ABCC1: variants seen among roughly 807,000 people sequenced by gnomAD.
The protein encoded by ABCC1 is ATP binding cassette subfamily C member 1 (ABCC1 blood group).
A neutral mutation model predicts 172.9 loss-of-function variants in ABCC1; 83 were observed. That is an observed-to-expected ratio of 0.48 (90% CI 0.40 to 0.58). The LOEUF is 0.58. ABCC1 is among the 20% of genes least tolerant of loss of function. The pLI is 0.00. For synonymous variants in ABCC1, 937 were observed against 825.2 expected (o/e 1.14, Z -2.32); for missense variants, 1,817 against 2,002.7 (o/e 0.91, Z 1.77).
At chr16:16,104,817 CG>C (rs2051994182) in intron 20 of ABCC1, among the ~76,000 whole-genome samples, 1 of 152,160 alleles carries the variant, frequency 6.6e-6, no homozygotes, top group African/African-American at 2.4e-5. Flanking sequence ...CCCTGCCCCG[CG>C]GGGAGGCAGC....
At chr16:16,015,453 T>G (rs1414371820) in intron 4 of ABCC1, among the ~76,000 whole-genome samples, 2 of 152,196 alleles carry the variant, frequency 1.3e-5, no homozygotes, top group Admixed American at 6.5e-5. Flanking sequence ...TGTGTGCTTT[T>G]GGAATAACCT....
At chr16:16,113,160 T>C (rs1046985065) in intron 22 of ABCC1, among the ~76,000 whole-genome samples, 108 of 152,214 alleles carry the variant, frequency 7.1e-4, no homozygotes, top group African/African-American at 2.5e-3. Flanking sequence ...CATGGACTCC[T>C]TGAGTCTCTC....
chr16:16,009,383 C>T (rs45609835), intron 2 of ABCC1, among the ~76,000 whole-genome samples: 4 of 152,156 alleles, frequency 2.6e-5, no homozygotes, highest in Admixed American at 2.0e-4. Flanking sequence ...ACATATCCCA[C>T]CCGTAGAGGG....
chr16:16,004,935 G>A (rs949969155), intron 1 of ABCC1, among the ~76,000 whole-genome samples: 1 of 151,964 alleles, frequency 6.6e-6, no homozygotes, highest in Non-Finnish European at 1.5e-5. Context: ...AAAGTGCTGG[G>A]ATTACAGGCA....
Position 16,069,145 on chromosome 16 carries a change from A to G in ABCC1, c.1824+843A>G, listed in dbSNP as rs2050226409. 2.1e-5 allele frequency among the ~76,000 whole-genome samples: 3 copies of G among 142,872 alleles called. No individual in the cohort carries two copies. In the Admixed American group the frequency reaches 2.1e-4, roughly 10 times the overall value. 93.7% of individuals were successfully genotyped at this position (142,872 alleles called of 152,430 possible). The stretch of plus-strand genomic sequence containing the variant: ...CAATATGGTAAAACCCTGTATGTAA[A>G]AAAAAATAAAATAAAATAAAATAAA... On this transcript the variant is annotated intron_variant, in intron 13 of 30. Coordinates refer to ENST00000399410, the MANE Select transcript of ABCC1 (RefSeq NM_004996.4).
intron 12 of ABCC1, among the ~76,000 whole-genome samples, chr16:16,060,418 C>G (rs972759320): frequency 6.6e-6 from 1 of 152,162 alleles, no homozygotes; most frequent in East Asian, 1.9e-4. Flanking sequence ...CTCCATGTTC[C>G]CTAAGATCAC....
Position 16,079,416 on chromosome 16 carries a change from T to G in ABCC1, c.2053T>G (p.Ser685Ala), listed in dbSNP as rs2050717479. The G allele has an allele frequency of 6.2e-7, 1 of 1,613,912 alleles. No homozygotes were observed. Among genetic ancestry groups the G allele is most frequent in the African/African-American group, 1.3e-5 (1 of 74,920 alleles). The change falls in exon 16 of 31, where the codon TCG (serine) becomes GCG (alanine). Residue 685 changes from serine to alanine, a missense_variant. Physicochemically the swap from Ser to Ala is moderately conservative, Grantham distance 99 (BLOSUM62 1). Transcript: ENST00000399410. ...GGTGGGCCAGGTGGGCTGCGGAAAG[T>G]CGTCCCTGCTCTCAGCCCTCTTGGC... Reference protein sequence around the residue: ...AVVGQVGCGKSSLLSALLAEM... With the variant: ...AVVGQVGCGKASLLSALLAEM...
At chr16:15,964,807 G>C (rs998106322) in intron 1 of ABCC1, among the ~76,000 whole-genome samples, 3 of 151,894 alleles carry the variant, frequency 2.0e-5, no homozygotes. Context: ...TTGTTAATTT[G>C]ATAGCTAAAA....
At chr16:16,110,392 AT>A (rs1007017969) in intron 21 of ABCC1, among the ~76,000 whole-genome samples, 6 of 150,646 alleles carry the variant, frequency 4.0e-5, no homozygotes, top group South Asian at 2.1e-4. Context: ...AGCACTCTTT[AT>A]TTTTTTTTAT....
chr16:16,078,305 T>C (rs2151978769), intron 15 of ABCC1, among the ~76,000 whole-genome samples: 1 of 152,304 alleles, frequency 6.6e-6, no homozygotes, highest in Admixed American at 6.5e-5. Context: ...CCGTCGGCAG[T>C]GGGAGTGGCC....
At chr16:15,989,193 G>T (rs8049010) in intron 1 of ABCC1, among the ~76,000 whole-genome samples, 14,228 of 152,202 alleles carry the variant, frequency 0.093, 759 homozygotes, top group Middle Eastern at 0.16. Context: ...TGCCTTCCTG[G>T]GTGATGGGGA....
intron 12 of ABCC1, among the ~76,000 whole-genome samples, chr16:16,064,564 G>A (rs1157411454): frequency 6.6e-6 from 1 of 152,230 alleles, no homozygotes; most frequent in African/African-American, 2.4e-5. Context: ...CCAGCAGCCG[G>A]CATCGATTGG....
At chr16:15,969,859 G>C (rs973631710) in intron 1 of ABCC1, among the ~76,000 whole-genome samples, 1 of 152,092 alleles carries the variant, frequency 6.6e-6, no homozygotes, top group Non-Finnish European at 1.5e-5. Context: ...CAGTCTCTGA[G>C]GGTCCTGCAT....
chr16:16,019,517 G>A (rs1790522941), intron 5 of ABCC1, among the ~76,000 whole-genome samples: 1 of 152,154 alleles, frequency 6.6e-6, no homozygotes, highest in Non-Finnish European at 1.5e-5. Flanking sequence ...CCTGGCTGGC[G>A]TGGGGATCAC....
At chr16:16,014,223 A>T (rs2047902705) in intron 3 of ABCC1, among the ~76,000 whole-genome samples, 1 of 152,184 alleles carries the variant, frequency 6.6e-6, no homozygotes, top group Admixed American at 6.5e-5. Context: ...AGGCAAGTGG[A>T]TCACCTGAGG....
At chr16:16,011,105 C>T (rs1002696141) in intron 3 of ABCC1, among the ~76,000 whole-genome samples, 8 of 152,210 alleles carry the variant, frequency 5.3e-5, no homozygotes, top group East Asian at 3.9e-4. Flanking sequence ...TGGTGGCACA[C>T]GCCTGTAGTC....
At chr16:15,955,081 C>T (rs1179824814) in intron 1 of ABCC1, among the ~76,000 whole-genome samples, 5 of 152,284 alleles carry the variant, frequency 3.3e-5, no homozygotes, top group Middle Eastern at 3.4e-3. Context: ...TCAGTCCAGG[C>T]GCCGTGGCTC....
chr16:16,104,659 C>T (rs780947962), intron 20 of ABCC1, among the ~76,000 whole-genome samples: 13 of 152,340 alleles, frequency 8.5e-5, no homozygotes, highest in East Asian at 3.9e-4. Flanking sequence ...AGTCCCGTGC[C>T]GTGCGCCCTC....
Position 15,949,646 on chromosome 16 carries a change from A to C in ABCC1, c.-106A>C. On this transcript the variant is annotated 5_prime_UTR_variant, in exon 1 of 31. Transcript: ENST00000399410. ...CGCCGCCGCCGCCAGCGCTAGCGCC[A>C]GCAGCCGGGCCCGATCACCCGCCGC... 5.8e-6 allele frequency: 2 copies of C among 343,142 alleles called. No homozygotes were observed. The highest frequency in any genetic ancestry group is 7.3e-6 in the Non-Finnish European group (2 of 273,938). The allele number at this position is 343,142 out of a possible 1,614,324, so 21.3% of individuals were successfully genotyped here.
Sources: allele counts gnomAD v4.1 joint callset (sites outside exome capture counted in the v4.1 genomes callset), GRCh38; gene constraint gnomAD v4.1.1; transcripts MANE v1.5; gene names NCBI Gene and HGNC (gene_info 2026-07-23, HGNC 2026-07-21).